The following DST variants were observed in gnomAD, a reference collection of about 807,000 sequenced individuals.
DST encodes bullous pemphigoid antigen.
Under a neutral mutation model 875.2 loss-of-function variants are expected in DST, and 253 were observed. The observed-to-expected ratio is 0.29, with a 90% CI of 0.26 to 0.32. The LOEUF is 0.32. DST is among the 10% of genes least tolerant of loss of function. The probability of loss-of-function intolerance (pLI) is 1.00; values close to 1 mark genes in which losing one functional copy is unlikely to be tolerated. For synonymous variants in DST, 3,124 were observed against 3,197.1 expected, an observed-to-expected ratio of 0.98 and a Z score of 0.77; for missense variants, 8,287 against 9,111.6, an observed-to-expected ratio of 0.91 and a Z score of 3.68.
At chr6:56,518,839 A>G (rs1304802467) in intron 69 of DST, among the ~76,000 whole-genome samples, 3 of 152,212 alleles carry the variant, frequency 2.0e-5, no homozygotes, top group African/African-American at 7.2e-5. Context: ...TTTCAAAGGA[A>G]TCTGGAAATC....
chr6:56,615,876 T>C lies in DST; in HGVS notation c.4930-1392A>G, dbSNP rs779574150. 1.2e-6 allele frequency: 2 copies of C among 1,614,230 alleles called. No individual in the cohort carries two copies. The highest frequency in any genetic ancestry group is 1.7e-6 in the Non-Finnish European group (2 of 1,180,036). On this transcript the variant is annotated intron_variant, in intron 36 of 103. Coordinates refer to ENST00000680361, the MANE Select transcript of DST (RefSeq NM_001374736.1). ...ACCACTGACATCATTTTGTTAGTGA[T>C]GGGATGGCCAATCCCTGTGATTACT... is the stretch of plus-strand genomic sequence containing the variant.
At chr6:56,630,877 G>C (rs1455870750) in intron 30 of DST, among the ~76,000 whole-genome samples, 2 of 151,678 alleles carry the variant, frequency 1.3e-5, no homozygotes, top group Non-Finnish European at 2.9e-5. Context: ...CCACCTCCCG[G>C]GTTCAAGTGA....
At chr6:56,579,932 T>G (rs1179257153) in intron 49 of DST, among the ~76,000 whole-genome samples, 1 of 152,120 alleles carries the variant, frequency 6.6e-6, no homozygotes, top group Admixed American at 6.6e-5. Context: ...AAAGGAGAGA[T>G]ACCAGCTGGG....
intron 3 of DST, among the ~76,000 whole-genome samples, chr6:56,872,344 G>A (rs1455950488): frequency 6.6e-6 from 1 of 152,084 alleles, no homozygotes; most frequent in Non-Finnish European, 1.5e-5. Flanking sequence ...TAAGTTAAAA[G>A]TAACTAAAAT....
At chr6:56,541,943 T>C (rs1391870345) in intron 61 of DST, among the ~76,000 whole-genome samples, 10 of 152,202 alleles carry the variant, frequency 6.6e-5, no homozygotes, top group Admixed American at 2.6e-4. Context: ...GAACATTCCA[T>C]TGTCAGTCCA....
Position 56,600,260 on chromosome 6 carries a change from T to A in DST, c.11542-39A>T, listed in dbSNP as rs752695795. Reference sequence around the variant, plus strand: ...AACCCAAAACATCTTAAATGTATGGTGGTCACAAAATCGCTATTGTGATAG... The same window carrying A: ...AACCCAAAACATCTTAAATGTATGGAGGTCACAAAATCGCTATTGTGATAG... On this transcript the variant is annotated intron_variant, in intron 44 of 103. Coordinates refer to ENST00000680361, the MANE Select transcript of DST (RefSeq NM_001374736.1). 1.9e-6 allele frequency: 3 copies of A among 1,590,626 alleles called. No homozygotes were observed. In the East Asian group the frequency reaches 6.7e-5, roughly 36 times the overall value.
At chr6:56,719,846 A>G (rs1000135643) in intron 5 of DST, among the ~76,000 whole-genome samples, 2 of 152,200 alleles carry the variant, frequency 1.3e-5, no homozygotes, top group Admixed American at 1.3e-4. Context: ...AAGGGGAAGG[A>G]GTGTACGATA....
chr6:56,729,703 T>C (rs1317977389), intron 5 of DST, among the ~76,000 whole-genome samples: 1 of 151,598 alleles, frequency 6.6e-6, no homozygotes. Context: ...ACAGAGGAAA[T>C]AGAGCTTTTT....
intron 98 of DST, among the ~76,000 whole-genome samples, chr6:56,467,847 GCTTTC>G (rs2094663063): frequency 6.6e-6 from 1 of 152,120 alleles, no homozygotes; most frequent in South Asian, 2.1e-4. Context: ...TGCTGACTGT[GCTTTC>G]AGTGAGTAAA....
chr6:56,916,766 TCTCTCTCTCTCTCACA>T (rs1198990391), intron 2 of DST, among the ~76,000 whole-genome samples: 2 of 98,672 alleles, frequency 2.0e-5, no homozygotes, highest in African/African-American at 4.0e-5. Flanking sequence ...TCTCTCTCTC[TCTCTCTCTCTCTCACA>T]CACACACACA....
intron 15 of DST, among the ~76,000 whole-genome samples, chr6:56,645,606 A>C (rs900031729): frequency 2.6e-5 from 4 of 152,298 alleles, no homozygotes; most frequent in Admixed American, 6.5e-5. Flanking sequence ...AGTAATTTTG[A>C]CTGGTTTTAA....
chr6:56,676,503 G>A (rs2099130917), intron 9 of DST, among the ~76,000 whole-genome samples: 1 of 152,186 alleles, frequency 6.6e-6, no homozygotes, highest in East Asian at 1.9e-4. Context: ...ATATAATCCA[G>A]CAATCCCATT....
Position 56,640,603 on chromosome 6 carries a change from A to C in DST, c.2030T>G (p.Val677Gly). The change falls in exon 18 of 104, where the codon GTT becomes GGT. Residue 677 changes from valine to glycine, a missense_variant and splice_region_variant. Around this residue, in one of 10 missense-constraint regions of DST, gnomAD observed 1,160 missense variants for 1,424.3 expected, o/e 0.81. Transcript: ENST00000680361. ...CATAATTTCGTCACGCAGTTTTGCA[A>C]CCCTGAAAAGAAAATCCAAAGGGAT... is the stretch of plus-strand genomic sequence containing the variant. ...YYQADQLVQR[V>G]AKLRDEIMAL... is the part of the protein sequence containing the mutation. The C allele has an allele frequency of 1.9e-6, 3 of 1,613,668 alleles. No homozygotes were observed. In the South Asian group the frequency reaches 3.3e-5, roughly 18 times the overall value.
chr6:56,569,103 A>T (rs1357384406), intron 54 of DST, among the ~76,000 whole-genome samples: 1 of 152,094 alleles, frequency 6.6e-6, no homozygotes. Flanking sequence ...CAGGTGGATC[A>T]TGAGGTCAGG....
chr6:56,730,639 G>T (rs1015450554), intron 5 of DST, among the ~76,000 whole-genome samples: 1 of 152,098 alleles, frequency 6.6e-6, no homozygotes, highest in African/African-American at 2.4e-5. Flanking sequence ...GAAGACACAG[G>T]TATTTCCAAT....
intron 4 of DST, among the ~76,000 whole-genome samples, chr6:56,844,393 A>G (rs1209134945): frequency 6.6e-6 from 1 of 152,208 alleles, no homozygotes; most frequent in Admixed American, 6.5e-5. Flanking sequence ...CAACTGCCCC[A>G]TATTTATCAC....
Position 56,509,644 on chromosome 6 carries a change from T to C in DST, c.19010A>G (p.Lys6337Arg). 6.2e-7 allele frequency: 1 copy of C among 1,611,332 alleles called. No homozygotes were observed. The highest frequency in any genetic ancestry group is 8.5e-7 in the Non-Finnish European group (1 of 1,177,834). ...TTTCCCTATTCCAAAAGTATTACCTTTGGCAGATATGTCTTTATCAGTCCC... is the reference window on the plus strand; with the variant it reads ...TTTCCCTATTCCAAAAGTATTACCTCTGGCAGATATGTCTTTATCAGTCCC... ...SGGTDKDISA[K>R]AVQDKLDQMV... Residue 6337 changes from lysine (K) to arginine (R), a missense_variant and splice_region_variant, in exon 74 of 104, where the codon AAA becomes AGA. Physicochemically the swap from Lys to Arg is conservative, Grantham distance 26. Transcript: ENST00000680361.
chr6:56,547,807 GT>G (rs1191474296), intron 61 of DST, among the ~76,000 whole-genome samples: 1 of 152,166 alleles, frequency 6.6e-6, no homozygotes, highest in Non-Finnish European at 1.5e-5. Flanking sequence ...TGATGCCTGG[GT>G]TAAACAATGC....
intron 4 of DST, among the ~76,000 whole-genome samples, chr6:56,750,019 C>T (rs1453490040): frequency 6.6e-6 from 1 of 152,184 alleles, no homozygotes; most frequent in Non-Finnish European, 1.5e-5. Context: ...ACCACCATCG[C>T]TGCACCCCTC....
Sources: allele counts gnomAD v4.1 joint callset (sites outside exome capture counted in the v4.1 genomes callset), GRCh38; gene constraint gnomAD v4.1.1; regional missense constraint gnomAD v4.1.1; transcripts MANE v1.5; gene names NCBI Gene and HGNC (gene_info 2026-07-23, HGNC 2026-07-21).